Variants in AOAH observed in about 807,000 individuals in gnomAD.
AOAH encodes acyloxyacyl hydrolase.
Under a neutral mutation model 92.2 loss-of-function variants are expected in AOAH, and 64 were observed. The ratio of observed to expected loss-of-function variants is 0.69; its 90% CI spans 0.57 to 0.86. AOAH has a LOEUF of 0.86. Among genes scored for constraint, AOAH ranks in the 40% least tolerant of loss-of-function variants. The pLI is 0.00. For missense variants in AOAH, 656 were observed against 694.6 expected (o/e 0.94, Z 0.62); for synonymous variants, 263 against 254.5 (o/e 1.03, Z -0.32).
chr7:36,531,011 G>A (rs1339121017), intron 18 of AOAH, among the ~76,000 whole-genome samples: 1 of 152,056 alleles, frequency 6.6e-6, no homozygotes, highest in Non-Finnish European at 1.5e-5. Context: ...GTGTAAATTT[G>A]GAAACAATCT....
chr7:36,514,195 C>T (rs1254547575), intron 20 of AOAH, among the ~76,000 whole-genome samples: 2 of 152,032 alleles, frequency 1.3e-5, no homozygotes, highest in African/African-American at 2.4e-5. Flanking sequence ...AAGGTGGCGG[C>T]TGAGATGAAT....
At chr7:36,712,610 C>T (rs552017692) in intron 1 of AOAH, among the ~76,000 whole-genome samples, 236 of 152,212 alleles carry the variant, frequency 1.6e-3, no homozygotes, top group African/African-American at 5.5e-3. Flanking sequence ...AAAGGGAAGC[C>T]CATCAGACTA....
chr7:36,543,442 T>G (rs1212367425), intron 15 of AOAH, among the ~76,000 whole-genome samples: 1 of 151,102 alleles, frequency 6.6e-6, no homozygotes, highest in African/African-American at 2.5e-5. Flanking sequence ...TATTCACTTT[T>G]GCCTTGCCAC....
intron 12 of AOAH, among the ~76,000 whole-genome samples, chr7:36,590,779 T>C (rs559583866): frequency 6.6e-6 from 1 of 152,248 alleles, no homozygotes; most frequent in Non-Finnish European, 1.5e-5. Flanking sequence ...CCATGGGAGC[T>C]GTATACACCT....
At chr7:36,656,978 A>G (rs1794931972) in intron 4 of AOAH, among the ~76,000 whole-genome samples, 1 of 151,912 alleles carries the variant, frequency 6.6e-6, no homozygotes, top group Admixed American at 6.6e-5. Flanking sequence ...CGTAGGAGTG[A>G]TTTGCAGAAT....
chr7:36,518,587 G>A (rs934081098), intron 20 of AOAH, among the ~76,000 whole-genome samples: 1 of 152,156 alleles, frequency 6.6e-6, no homozygotes, highest in Admixed American at 6.5e-5. Context: ...GCATGTGTGT[G>A]GAATAAAATC....
chr7:36,715,982 A>G (rs907311303), intron 1 of AOAH, among the ~76,000 whole-genome samples: 1 of 152,014 alleles, frequency 6.6e-6, no homozygotes, highest in African/African-American at 2.4e-5. Flanking sequence ...AATGGGATCT[A>G]ATTAAACTAA....
chr7:36,669,803 C>G (rs1165866531), intron 3 of AOAH, among the ~76,000 whole-genome samples: 1 of 152,178 alleles, frequency 6.6e-6, no homozygotes, highest in African/African-American at 2.4e-5. Flanking sequence ...TTATGCCTGT[C>G]CTGATCTCAG....
In AOAH at chr7:36,532,286, C is replaced by T. The variant is rs747368097; in HGVS notation, c.1365G>A (p.Gln455=). 3 of 1,614,152 alleles carry T rather than the reference C, an allele frequency of 1.9e-6. No individual in the cohort carries two copies. Among genetic ancestry groups the T allele is most frequent in the Non-Finnish European group, 2.5e-6 (3 of 1,180,038 alleles). The part of the protein sequence containing the change: ...AQLYSFLNCL[Q]VSPCHGWMSS... ...TTGAAGCAAGCCAGTGAGTGCTCAC[C>T]TGGAGGCAGTTCAGGAAGGAGTACA... The change falls in exon 17 of 21, where the codon CAG becomes CAA. Residue 455 remains glutamine (Q), a splice_region_variant and synonymous_variant. Coordinates refer to ENST00000617537, the MANE Select transcript of AOAH (RefSeq NM_001637.4).
intron 12 of AOAH, among the ~76,000 whole-genome samples, chr7:36,578,042 T>G (rs1002403700): frequency 6.6e-6 from 1 of 152,190 alleles, no homozygotes; most frequent in African/African-American, 2.4e-5. Context: ...AAACCAATGA[T>G]AGTGTTTTTT....
At chr7:36,601,093 TG>T (rs143535879) in intron 11 of AOAH, among the ~76,000 whole-genome samples, 2,211 of 152,196 alleles carry the variant, frequency 0.015, 44 homozygotes, top group African/African-American at 0.051. Flanking sequence ...TGCCTTCCAG[TG>T]GGGTCTGGCA....
intron 2 of AOAH, among the ~76,000 whole-genome samples, chr7:36,678,185 G>A (rs1219696913): frequency 6.6e-6 from 1 of 152,168 alleles, no homozygotes; most frequent in Non-Finnish European, 1.5e-5. Flanking sequence ...CTACTGTGGA[G>A]AGGGTCAAGA....
At position 36,614,596 on chromosome 7, in the gene AOAH, G is replaced by A. The variant is rs1019307844; in HGVS notation, c.846+1784C>T. On this transcript the variant is annotated intron_variant, in intron 11 of 20. Coordinates refer to ENST00000617537, the MANE Select transcript of AOAH (RefSeq NM_001637.4). This position sits in a 1 kb window ranked among gnomAD's most constrained non-coding sequence, Gnocchi z 4.2. ...CTCCCCAGCCTGTCTTCTCCTTCTT[G>A]CCCTGCGACTGCTGCACCCTCCAAC... Among the ~76,000 whole-genome samples, 2 of 152,140 alleles carry A rather than the reference G, an allele frequency of 1.3e-5. No homozygotes were observed. The highest frequency in any genetic ancestry group is 2.9e-5 in the Non-Finnish European group (2 of 68,024).
intron 13 of AOAH, among the ~76,000 whole-genome samples, chr7:36,563,879 T>C (rs1032959609): frequency 8.5e-5 from 13 of 152,242 alleles, no homozygotes; most frequent in African/African-American, 3.1e-4. Context: ...TCTATTGACC[T>C]TGAGCTCAAA....
chr7:36,720,718 G>A (rs570769489), intron 1 of AOAH, among the ~76,000 whole-genome samples: 10 of 152,214 alleles, frequency 6.6e-5, no homozygotes, highest in South Asian at 6.2e-4. Context: ...CCAGGTTTTC[G>A]TTTTCCTCTA....
intron 11 of AOAH, among the ~76,000 whole-genome samples, chr7:36,609,692 G>A (rs957004228): frequency 4.6e-5 from 7 of 152,096 alleles, no homozygotes; most frequent in East Asian, 1.9e-4. Context: ...GCGGGGGAGC[G>A]TGTGCACATT....
At chr7:36,543,943 CTTTCTTTTTTT>C (rs1439628876) in intron 15 of AOAH, among the ~76,000 whole-genome samples, 3 of 82,796 alleles carry the variant, frequency 3.6e-5, no homozygotes, top group South Asian at 3.8e-4. Flanking sequence ...TTCTTTCTTT[CTTTCTTTTTTT>C]TTTTTTTTTT....
At chr7:36,670,751 A>C (rs546722570) in intron 3 of AOAH, among the ~76,000 whole-genome samples, 1 of 152,312 alleles carries the variant, frequency 6.6e-6, no homozygotes, top group Admixed American at 6.5e-5. Flanking sequence ...CTGAGATTAC[A>C]GGCGTGAGCC....
chr7:36,583,299 T>C (rs1789067869), intron 12 of AOAH, among the ~76,000 whole-genome samples: 1 of 152,170 alleles, frequency 6.6e-6, no homozygotes, highest in Non-Finnish European at 1.5e-5. Flanking sequence ...TAGACAGGCT[T>C]TAAGGCTTTA....
Sources: gnomAD v4.1 joint callset for allele counts (sites outside exome capture counted in the v4.1 genomes callset) on GRCh38, gnomAD v4.1.1 for gene constraint, Gnocchi (gnomAD v3.1) non-coding constraint, MANE v1.5 for transcripts, NCBI Gene and HGNC (gene_info 2026-07-23, HGNC 2026-07-21) for gene names.